Variants in UTRN observed in about 807,000 individuals in gnomAD.
UTRN encodes the protein utrophin.
In UTRN, 283 loss-of-function variants were observed where a neutral mutation model predicts 463.9. The ratio of observed to expected loss-of-function variants is 0.61; its 90% confidence interval spans 0.55 to 0.67. The LOEUF is 0.67. Ranked by LOEUF, UTRN falls within the 30% of genes least tolerant of loss-of-function variation. The pLI, the probability that UTRN is intolerant of heterozygous loss-of-function variation, is 0.00. For synonymous variants in UTRN, 1,442 were observed against 1,431.5 expected (o/e 1.01, Z -0.17); for missense variants, 3,922 against 4,084.3 (o/e 0.96, Z 1.08).
chr6:144,668,008 G>A (rs975999260), intron 51 of UTRN, among the ~76,000 whole-genome samples: 2 of 152,142 alleles, frequency 1.3e-5, no homozygotes, highest in Admixed American at 1.3e-4. Flanking sequence ...ACCAGATTTG[G>A]TTTTGTCATT....
intron 74 of UTRN, among the ~76,000 whole-genome samples, chr6:144,849,225 A>G (rs1782281137): frequency 6.6e-6 from 1 of 152,162 alleles, no homozygotes; most frequent in Admixed American, 6.5e-5. Flanking sequence ...AGATCTCTAT[A>G]TGACTAGAAT....
chr6:144,638,672 T>C (rs1012692472), intron 51 of UTRN, among the ~76,000 whole-genome samples: 12 of 152,210 alleles, frequency 7.9e-5, no homozygotes, highest in African/African-American at 2.7e-4. Context: ...TTAATCAAAG[T>C]TACTAAATAG....
chr6:144,474,694 A>T lies in UTRN; in HGVS notation c.3271A>T (p.Ile1091Leu). 1.2e-6 allele frequency: 2 copies of T among 1,614,166 alleles called. No individual in the cohort carries two copies. Among genetic ancestry groups the T allele is most frequent in the South Asian group, 1.1e-5 (1 of 91,078 alleles). ...TCTTCGAAGTGGTCCAGTTGCTGGA[A>T]TAAAAACTTGGGTGCAGACAAGACT... The part of the protein sequence containing the change: ...TNLRSGPVAG[I>L]KTWVQTRLGD... Residue 1091 changes from isoleucine (I) to leucine (L), a missense_variant, in exon 25 of 75, where the codon ATA (isoleucine) becomes TTA (leucine). Physicochemically the swap from Ile to Leu is conservative, Grantham distance 5 (BLOSUM62 2). This residue lies in a region of UTRN where 2,349 missense variants were observed against 2,303.8 expected (regional missense o/e 1.02). Coordinates refer to ENST00000367545, the MANE Select transcript of UTRN (RefSeq NM_007124.3).
intron 2 of UTRN, among the ~76,000 whole-genome samples, chr6:144,399,223 A>G (rs777221870): frequency 7.2e-5 from 11 of 152,076 alleles, no homozygotes; most frequent in Non-Finnish European, 1.5e-4. Flanking sequence ...CCCATTTGAC[A>G]TTTTAATAAA....
chr6:144,616,178 G>T (rs766589680), intron 51 of UTRN, among the ~76,000 whole-genome samples: 1 of 152,172 alleles, frequency 6.6e-6, no homozygotes, highest in Non-Finnish European at 1.5e-5. Flanking sequence ...AATTAGATAA[G>T]CAGTGGGCCT....
intron 58 of UTRN, among the ~76,000 whole-genome samples, chr6:144,762,417 C>T (rs1014544720): frequency 3.3e-5 from 5 of 152,174 alleles, no homozygotes; most frequent in Admixed American, 6.5e-5. Flanking sequence ...ATACCATAGA[C>T]GGTTACCATT....
At chr6:144,804,036 A>T (rs1238757720) in intron 65 of UTRN, among the ~76,000 whole-genome samples, 1 of 152,074 alleles carries the variant, frequency 6.6e-6, no homozygotes, top group Non-Finnish European at 1.5e-5. Flanking sequence ...TTTTTTCCTG[A>T]AGTTATCCTC....
chr6:144,529,096 G>A (rs1796812389), intron 41 of UTRN, among the ~76,000 whole-genome samples: 2 of 152,278 alleles, frequency 1.3e-5, no homozygotes, highest in South Asian at 4.1e-4. Context: ...TGCAGTTGCA[G>A]GCCTCACTCA....
At chr6:144,743,430 GT>G (rs1163530895) in intron 54 of UTRN, among the ~76,000 whole-genome samples, 1 of 152,072 alleles carries the variant, frequency 6.6e-6, no homozygotes, top group Non-Finnish European at 1.5e-5. Context: ...CAAAGGAAGA[GT>G]TTTTTTTCCT....
intron 34 of UTRN, among the ~76,000 whole-genome samples, chr6:144,508,779 A>G (rs1234878353): frequency 6.6e-6 from 1 of 152,186 alleles, no homozygotes; most frequent in African/African-American, 2.4e-5. Context: ...TTCGTGAGGT[A>G]AGGCTCTAAC....
chr6:144,336,893 A>T (rs1054063167), intron 2 of UTRN, among the ~76,000 whole-genome samples: 51 of 152,110 alleles, frequency 3.4e-4, no homozygotes, highest in Non-Finnish European at 6.6e-4. Flanking sequence ...CATCCCAGGG[A>T]TGACTGCTTT....
intron 26 of UTRN, among the ~76,000 whole-genome samples, chr6:144,481,329 G>T (rs1327480210): frequency 6.6e-6 from 1 of 152,136 alleles, no homozygotes; most frequent in Non-Finnish European, 1.5e-5. Flanking sequence ...GCACCAACCT[G>T]ATAGGTTGAT....
At chr6:144,346,457 T>TTG (rs1187046723) in intron 2 of UTRN, among the ~76,000 whole-genome samples, 1 of 152,246 alleles carries the variant, frequency 6.6e-6, no homozygotes, top group Non-Finnish European at 1.5e-5. Flanking sequence ...ACTGATTTTT[T>TTG]TGTGTGTGTC....
At chr6:144,704,927 A>G (rs1784941444) in intron 53 of UTRN, among the ~76,000 whole-genome samples, 1 of 152,146 alleles carries the variant, frequency 6.6e-6, no homozygotes, top group African/African-American at 2.4e-5. Context: ...ACGCCACTGC[A>G]CTCCAGCCTG....
At chr6:144,654,489 ATTTGT>A (rs779512074) in intron 51 of UTRN, among the ~76,000 whole-genome samples, 10 of 152,158 alleles carry the variant, frequency 6.6e-5, no homozygotes, top group Non-Finnish European at 1.0e-4. Context: ...TTCAATTTTG[ATTTGT>A]TTTGACATTT....
chr6:144,573,805 T>A (rs1317065701), intron 50 of UTRN, among the ~76,000 whole-genome samples: 4 of 152,208 alleles, frequency 2.6e-5, no homozygotes, highest in Admixed American at 2.0e-4. Flanking sequence ...AAAGTTCTGC[T>A]GAAATGCAGT....
chr6:144,381,017 T>C (rs73594962), intron 2 of UTRN, among the ~76,000 whole-genome samples: 3,021 of 152,268 alleles, frequency 0.02, 102 homozygotes, highest in African/African-American at 0.067. Context: ...AGGATTTCTT[T>C]TTTAAACTTT....
chr6:144,313,812 C>T (rs1775096580), intron 2 of UTRN, among the ~76,000 whole-genome samples: 1 of 152,168 alleles, frequency 6.6e-6, no homozygotes, highest in Non-Finnish European at 1.5e-5. Context: ...GTGAGGCCCT[C>T]TAAAAGTCAG....
Position 144,748,352 on chromosome 6 carries a change from G to A in UTRN, c.8046G>A (p.Trp2682Ter), listed in dbSNP as rs1790986131. ...WESLNAVTSN[W>*]QKQVDKALEK... ...GTCTAAATGCTGTAACTAGCAATTG[G>A]CAAAAGCAAGTGGACAAGGCATTGG... Residue 2682 changes from tryptophan (W) to a stop codon, truncating the protein, a stop_gained, in exon 55 of 75, where the codon TGG (tryptophan) becomes TGA (stop). Coordinates refer to ENST00000367545, the MANE Select transcript of UTRN (RefSeq NM_007124.3). LOFTEE classifies it high-confidence loss of function. 3 of 1,613,552 alleles carry A rather than the reference G, an allele frequency of 1.9e-6. No homozygotes were observed. Among genetic ancestry groups the A allele is most frequent in the African/African-American group, 1.3e-5 (1 of 74,886 alleles).
Sources: gnomAD v4.1 joint callset for allele counts (sites outside exome capture counted in the v4.1 genomes callset) on GRCh38, gnomAD v4.1.1 for gene constraint, gnomAD v4.1.1 regional missense constraint, MANE v1.5 for transcripts, NCBI Gene and HGNC (gene_info 2026-07-23, HGNC 2026-07-21) for gene names.